Variants in LAMA2 observed in about 807,000 individuals in gnomAD.
The protein encoded by LAMA2 is laminin subunit alpha 2.
LAMA2 carries 269 observed loss-of-function variants against 364.8 expected under a neutral mutation model. That is an observed-to-expected ratio of 0.74 (90% CI 0.67 to 0.82). The LOEUF (loss-of-function observed/expected upper bound fraction) is 0.82. Among genes scored for constraint, LAMA2 ranks in the 40% least tolerant of loss-of-function variants. The pLI, the probability that LAMA2 is intolerant of heterozygous loss-of-function variation, is 0.00. For synonymous variants in LAMA2, 1,379 were observed against 1,370.6 expected (o/e 1.01, Z -0.14); for missense variants, 3,807 against 3,873.2 (o/e 0.98, Z 0.45).
At chr6:129,320,779 G>A (rs1436258669) in intron 28 of LAMA2, 124 bp downstream of exon 28, 7 of 700,804 alleles carry the variant, frequency 1.0e-5, no homozygotes, top group Non-Finnish European at 1.8e-5. Flanking sequence ...TCCACTCACA[G>A]TGTGAGACAC....
chr6:128,969,466 C>G (rs759146485), intron 1 of LAMA2, among the ~76,000 whole-genome samples: 5 of 152,106 alleles, frequency 3.3e-5, no homozygotes, highest in Admixed American at 6.6e-5. Flanking sequence ...GGGTCTCACT[C>G]TGTTGCCCAG....
chr6:129,180,880 A>G (rs775651055), intron 10 of LAMA2, among the ~76,000 whole-genome samples: 1 of 152,104 alleles, frequency 6.6e-6, no homozygotes, highest in South Asian at 2.1e-4. Context: ...GATCAGGGCT[A>G]AAGTTTGGAG....
intron 1 of LAMA2, among the ~76,000 whole-genome samples, chr6:128,904,813 A>G (rs923195894): frequency 6.6e-6 from 1 of 152,150 alleles, no homozygotes; most frequent in African/African-American, 2.4e-5. Flanking sequence ...TAGTAACATG[A>G]AACATGTTCT....
intron 28 of LAMA2, among the ~76,000 whole-genome samples, chr6:129,325,519 AAG>A: frequency 6.6e-6 from 1 of 151,522 alleles, no homozygotes; most frequent in Non-Finnish European, 1.5e-5. Context: ...AATCAAGGAA[AAG>A]AGAGAATTTC....
intron 8 of LAMA2, among the ~76,000 whole-genome samples, chr6:129,155,057 T>C (rs918712619): frequency 2.0e-4 from 30 of 152,204 alleles, no homozygotes; most frequent in Non-Finnish European, 2.9e-5. Context: ...ATCCATGTTG[T>C]TTGTGCATCA....
intron 47 of LAMA2, among the ~76,000 whole-genome samples, 170 bp from the exon 48 acceptor site, chr6:129,456,165 C>T (rs765258185): frequency 6.6e-6 from 1 of 152,058 alleles, no homozygotes; most frequent in Non-Finnish European, 1.5e-5. Flanking sequence ...AGTATTGATT[C>T]GAGATCTAAT....
At chr6:129,178,916 CA>C (rs765810662) in intron 10 of LAMA2, among the ~76,000 whole-genome samples, 2 of 152,004 alleles carry the variant, frequency 1.3e-5, no homozygotes, top group Non-Finnish European at 2.9e-5. Context: ...TATGTTACAT[CA>C]GGGGCAATTT....
At chr6:129,255,898 G>A (rs979594099) in intron 14 of LAMA2, among the ~76,000 whole-genome samples, 4 of 152,170 alleles carry the variant, frequency 2.6e-5, no homozygotes, top group African/African-American at 4.8e-5. Flanking sequence ...CTTGGCATCC[G>A]GCCATTGGTA....
At chr6:129,269,829 C>A (rs982314194) in intron 16 of LAMA2, among the ~76,000 whole-genome samples, 35 of 152,096 alleles carry the variant, frequency 2.3e-4, no homozygotes, top group African/African-American at 8.0e-4. Context: ...CAATATACTG[C>A]ATTATTAAGG....
intron 3 of LAMA2, among the ~76,000 whole-genome samples, chr6:129,063,606 G>T (rs1231325521): frequency 6.6e-6 from 1 of 152,104 alleles, no homozygotes; most frequent in Non-Finnish European, 1.5e-5. Flanking sequence ...TTAAGCTCAT[G>T]TCTTAACTAG....
chr6:129,437,262 C>G (rs1051847396), intron 41 of LAMA2, among the ~76,000 whole-genome samples: 8 of 152,102 alleles, frequency 5.3e-5, no homozygotes, highest in Non-Finnish European at 1.0e-4. Flanking sequence ...TTCTCTAAGT[C>G]TCAATTTCCT....
At chr6:129,130,217 C>T (rs1361282437) in intron 4 of LAMA2, among the ~76,000 whole-genome samples, 2 of 152,206 alleles carry the variant, frequency 1.3e-5, no homozygotes, top group African/African-American at 4.8e-5. Context: ...TAGCACTAGT[C>T]ATAGGACTGA....
intron 4 of LAMA2, among the ~76,000 whole-genome samples, chr6:129,129,261 T>C (rs1777303034): frequency 6.6e-6 from 1 of 152,250 alleles, no homozygotes; most frequent in Non-Finnish European, 1.5e-5. Context: ...TCAATATTGT[T>C]ATAAACAGAG....
At chr6:129,445,067 A>G (rs1001402057) in intron 44 of LAMA2, among the ~76,000 whole-genome samples, 1 of 152,214 alleles carries the variant, frequency 6.6e-6, no homozygotes, top group Non-Finnish European at 1.5e-5. Flanking sequence ...AATATGTAAC[A>G]CAGGGTAATC....
rs57454042 is a variant in LAMA2 at position 128,960,467 on chromosome 6, G to A, written c.112+77110G>A. ...GATTCTCCGGCCTTGGCCCCACCCC[G>A]CCCCCGCCGACCCCCATGAGTAGCT... is the stretch of plus-strand genomic sequence containing the variant. On this transcript the variant is annotated intron_variant, in intron 1 of 64. Transcript: ENST00000421865. 2.0e-4 allele frequency among the ~76,000 whole-genome samples: 21 copies of A among 106,112 alleles called. 1 individual carries two copies. In the Middle Eastern group the frequency reaches 0.017, roughly 85 times the overall value. 69.6% of individuals were successfully genotyped at this position (106,112 alleles called of 152,430 possible). A position where few individuals can be genotyped will look rare whatever the true frequency, so the allele number is the denominator to read the frequency against.
chr6:128,937,502 T>A (rs1779899118), intron 1 of LAMA2, among the ~76,000 whole-genome samples: 2 of 152,100 alleles, frequency 1.3e-5, no homozygotes, highest in Admixed American at 1.3e-4. Context: ...TTGTTCAGAT[T>A]TTCTATTTCT....
intron 20 of LAMA2, among the ~76,000 whole-genome samples, chr6:129,294,880 A>C (rs915498607): frequency 6.7e-6 from 1 of 149,702 alleles, no homozygotes; most frequent in Non-Finnish European, 1.5e-5. Flanking sequence ...AAATGTTTAA[A>C]ATAATTTTTT....
chr6:128,895,398 C>T (rs890053691), intron 1 of LAMA2, among the ~76,000 whole-genome samples: 1 of 142,714 alleles, frequency 7.0e-6, no homozygotes, highest in East Asian at 2.2e-4. Flanking sequence ...TTTGGGAGGC[C>T]GGGGCGGGTG....
intron 32 of LAMA2, among the ~76,000 whole-genome samples, chr6:129,356,423 A>G (rs1451237402): frequency 6.6e-6 from 1 of 152,080 alleles, no homozygotes; most frequent in Non-Finnish European, 1.5e-5. Flanking sequence ...AGAACTTACC[A>G]TTTGCCAGGC....
Sources: gnomAD v4.1 joint callset for allele counts (sites outside exome capture counted in the v4.1 genomes callset) on GRCh38, gnomAD v4.1.1 for gene constraint, MANE v1.5 for transcripts, NCBI Gene and HGNC (gene_info 2026-07-23, HGNC 2026-07-21) for gene names.